Variants in ISCA1 observed in about 807,000 individuals in gnomAD.
The protein encoded by ISCA1 is iron-sulfur cluster assembly 1 homolog, mitochondrial.
Under a neutral mutation model 14.7 loss-of-function variants are expected in ISCA1, and 9 were observed. That is an observed-to-expected ratio of 0.61 (90% CI 0.37 to 1.07). ISCA1 has a LOEUF of 1.07. Ranked by LOEUF, ISCA1 falls within the 50% of genes least tolerant of loss-of-function variation. ISCA1 has a pLI of 0.01. For synonymous variants in ISCA1, 38 were observed against 54.3 expected, an observed-to-expected ratio of 0.70 and a Z score of 1.32; for missense variants, 102 against 150.1, an observed-to-expected ratio of 0.68 and a Z score of 1.67.
At chr9:86,269,614 A>G (rs1189500172) in intron 3 of ISCA1, among the ~76,000 whole-genome samples, 1 of 152,132 alleles carries the variant, frequency 6.6e-6, no homozygotes, top group Non-Finnish European at 1.5e-5. Context: ...TGGAACCAAA[A>G]AAAAAACCCG....
chr9:86,268,663 A>C (rs1158905233), intron 3 of ISCA1, among the ~76,000 whole-genome samples: 1 of 151,874 alleles, frequency 6.6e-6, no homozygotes, highest in African/African-American at 2.4e-5. Context: ...ACTGCCACAA[A>C]CAGGTGTACC....
intron 3 of ISCA1, among the ~76,000 whole-genome samples, chr9:86,271,215 T>C (rs1825365237): frequency 6.6e-6 from 1 of 152,144 alleles, no homozygotes. Flanking sequence ...GCAGTACAGG[T>C]TTGTAGCCTA....
chr9:86,273,134 T>G (rs975219622), intron 2 of ISCA1, among the ~76,000 whole-genome samples: 1 of 152,228 alleles, frequency 6.6e-6, no homozygotes, highest in African/African-American at 2.4e-5. Flanking sequence ...CCTTTGAAAT[T>G]TAATAATTTT....
At chr9:86,280,973 AAC>A (rs869057529) in intron 1 of ISCA1, among the ~76,000 whole-genome samples, 84 of 125,360 alleles carry the variant, frequency 6.7e-4, no homozygotes, top group African/African-American at 2.9e-3. Flanking sequence ...AAAAACAAAA[AAC>A]AAAAAACCCA....
At chr9:86,276,766 G>C (rs1337243790) in intron 1 of ISCA1, among the ~76,000 whole-genome samples, 1 of 151,268 alleles carries the variant, frequency 6.6e-6, no homozygotes, top group African/African-American at 2.4e-5. Context: ...AGCTACTCCG[G>C]AGGCTGACGC....
chr9:86,280,298 A>C (rs1825493597), intron 1 of ISCA1, among the ~76,000 whole-genome samples: 1 of 152,186 alleles, frequency 6.6e-6, no homozygotes, highest in African/African-American at 2.4e-5. Context: ...GAAATTCTGA[A>C]GGAAGGGCAA....
chr9:86,265,781 C>G lies in ISCA1; in HGVS notation c.*262G>C. 1.9e-6 allele frequency: 1 copy of G among 528,154 alleles called. No individual in the cohort carries two copies. Among genetic ancestry groups the G allele is most frequent in the Non-Finnish European group, 3.5e-6 (1 of 287,526 alleles). 32.7% of individuals were successfully genotyped at this position (528,154 alleles called of 1,614,324 possible). A position where few individuals can be genotyped will look rare whatever the true frequency, so the allele number is the denominator to read the frequency against. ...AGTTCAGGAAATGGATAAACAGGTG[C>G]CCAGGAAGGCAACTTTAATGAAACT... is the stretch of plus-strand genomic sequence containing the variant. On this transcript the variant is annotated 3_prime_UTR_variant, in exon 4 of 4. Transcript: ENST00000375991.
At chr9:86,268,247 G>A (rs1587817729) in intron 3 of ISCA1, among the ~76,000 whole-genome samples, 1 of 152,104 alleles carries the variant, frequency 6.6e-6, no homozygotes, top group South Asian at 2.1e-4. Context: ...GATGAGGGGA[G>A]GTGGTGGAAG....
At chr9:86,280,968 C>CAA (rs71505784) in intron 1 of ISCA1, among the ~76,000 whole-genome samples, 4 of 115,940 alleles carry the variant, frequency 3.5e-5, no homozygotes, top group African/African-American at 9.8e-5. Context: ...AAACAAAAAA[C>CAA]AAAAAACAAA....
chr9:86,278,538 C>G (rs1825469769), intron 1 of ISCA1, among the ~76,000 whole-genome samples: 1 of 151,920 alleles, frequency 6.6e-6, no homozygotes, highest in African/African-American at 2.4e-5. Flanking sequence ...GTCAAGGTGA[C>G]ATGTGCCTGT....
At chr9:86,277,081 A>G (rs1825447430) in intron 1 of ISCA1, among the ~76,000 whole-genome samples, 1 of 152,048 alleles carries the variant, frequency 6.6e-6, no homozygotes, top group African/African-American at 2.4e-5. Context: ...GTGGTTTTCT[A>G]AATTATCTAA....
intron 1 of ISCA1, among the ~76,000 whole-genome samples, chr9:86,280,006 G>A (rs1274334372): frequency 2.0e-5 from 3 of 152,178 alleles, no homozygotes; most frequent in Non-Finnish European, 4.4e-5. Context: ...AGTACAGACA[G>A]TAGACTCCTG....
At chr9:86,271,850 C>T (rs1825373552) in intron 3 of ISCA1, among the ~76,000 whole-genome samples, 157 bp downstream of exon 3, 1 of 152,170 alleles carries the variant, frequency 6.6e-6, no homozygotes, top group African/African-American at 2.4e-5. Flanking sequence ...GTGTATAAAT[C>T]AGTTAATACA....
At chr9:86,273,352 A>G (rs190964631) in intron 2 of ISCA1, among the ~76,000 whole-genome samples, 2 of 152,288 alleles carry the variant, frequency 1.3e-5, no homozygotes, top group East Asian at 1.9e-4. Flanking sequence ...GATCCTATGT[A>G]GGTGGACTAA....
At position 86,266,192 on chromosome 9, in the gene ISCA1, CT is replaced by C. The variant is rs774248965; in HGVS notation, c.242-2del. On this transcript the variant is annotated splice_acceptor_variant, in intron 3 of 3. Transcript: ENST00000375991. LOFTEE classifies it high-confidence loss of function. Reference sequence around the variant, plus strand: ...TTCTTTTCGATGAATACTCTGACTCCTTGGAGAAAAGAAAACATGTGTCATG... The same window carrying C: ...TTCTTTTCGATGAATACTCTGACTCCTGGAGAAAAGAAAACATGTGTCATG... 6.3e-7 allele frequency: 1 copy of C among 1,599,286 alleles called. No individual in the cohort carries two copies. The highest frequency in any genetic ancestry group is 8.5e-7 in the Non-Finnish European group (1 of 1,174,806).
intron 3 of ISCA1, chr9:86,267,515 A>T: frequency 1.0e-6 from 1 of 976,412 alleles, no homozygotes; most frequent in Non-Finnish European, 1.2e-6. Context: ...TAAATTATTT[A>T]TTTTAGATAG....
intron 3 of ISCA1, among the ~76,000 whole-genome samples, chr9:86,268,791 A>G (rs1825326069): frequency 6.6e-6 from 1 of 151,494 alleles, no homozygotes; most frequent in East Asian, 1.9e-4. Flanking sequence ...ACAGTGCACT[A>G]TGATGTCTTT....
chr9:86,270,198 C>A (rs1327836944), intron 3 of ISCA1, among the ~76,000 whole-genome samples: 1 of 134,162 alleles, frequency 7.5e-6, no homozygotes, highest in African/African-American at 3.0e-5. Context: ...ACTCATCTGA[C>A]AAAGGGCTAA....
At position 86,280,970 on chromosome 9, in the gene ISCA1, A is replaced by AC. The variant is rs1330272765; in HGVS notation, c.81+1407_81+1408insG. Among the ~76,000 whole-genome samples the AC allele has an allele frequency of 2.4e-4, 30 of 124,738 alleles. No homozygotes were observed. In the South Asian group the frequency reaches 7.7e-3, roughly 32 times the overall value. 81.8% of individuals were successfully genotyped at this position (124,738 alleles called of 152,430 possible). A position where few individuals can be genotyped will look rare whatever the true frequency, so the allele number is the denominator to read the frequency against. ...AAAACAAACAAACAAACAAAAAACAAAAAACAAAAAACCCAGTTAATAGGG... is the reference window on the plus strand; with the variant it reads ...AAAACAAACAAACAAACAAAAAACAACAAAACAAAAAACCCAGTTAATAGGG... On this transcript the variant is annotated intron_variant, in intron 1 of 3. Coordinates refer to ENST00000375991, the MANE Select transcript of ISCA1 (RefSeq NM_030940.4).
Sources: gnomAD v4.1 joint callset for allele counts (sites outside exome capture counted in the v4.1 genomes callset) on GRCh38, gnomAD v4.1.1 for gene constraint, MANE v1.5 for transcripts, NCBI Gene and HGNC (gene_info 2026-07-23, HGNC 2026-07-21) for gene names.